The following ZNF207 variants were observed in gnomAD, a reference collection of about 807,000 sequenced individuals.
ZNF207 encodes the protein zinc finger protein 207.
Under a neutral mutation model 60.2 loss-of-function variants are expected in ZNF207, and 24 were observed. The observed-to-expected ratio is 0.40, with a 90% CI of 0.29 to 0.56. ZNF207 has a LOEUF of 0.56. Among genes scored for constraint, ZNF207 ranks in the 20% least tolerant of loss-of-function variants. The pLI is 0.49. For missense variants in ZNF207, 452 were observed against 636.6 expected, an observed-to-expected ratio of 0.71 and a Z score of 3.12; for synonymous variants, 236 against 194.7, an observed-to-expected ratio of 1.21 and a Z score of -1.77.
chr17:32,351,600 GA>G, intron 1 of ZNF207, 185 bp from the exon 2 acceptor site: 1 of 1,536,886 alleles, frequency 6.5e-7, no homozygotes. Flanking sequence ...GGCCTTCTAG[GA>G]AATTGAAAAT....
At chr17:32,367,528 A>T (rs911340395) in intron 9 of ZNF207, among the ~76,000 whole-genome samples, 1 of 151,910 alleles carries the variant, frequency 6.6e-6, no homozygotes, top group Non-Finnish European at 1.5e-5. Flanking sequence ...AAGACATCTA[A>T]CAAGTTAAAT....
At chr17:32,367,275 ATATATAT>A (rs1567825055) in intron 9 of ZNF207, among the ~76,000 whole-genome samples, 1,410 of 119,690 alleles carry the variant, frequency 0.012, 86 homozygotes, top group African/African-American at 0.04. Flanking sequence ...ATATATATAT[ATATATAT>A]ATAAAGAATA....
At chr17:32,366,842 C>A in intron 9 of ZNF207, 85 bp downstream of exon 9, 3 of 1,214,478 alleles carry the variant, frequency 2.5e-6, no homozygotes, top group South Asian at 3.4e-5. Context: ...GAATATTTTT[C>A]CAAAAATATA....
chr17:32,351,684 A>G (rs1597751450), intron 1 of ZNF207, 102 bp from the exon 2 acceptor site: 6 of 1,607,888 alleles, frequency 3.7e-6, no homozygotes, highest in Admixed American at 3.4e-5. Context: ...ATACAGTACC[A>G]TTTTGGTTTT....
Position 32,361,186 on chromosome 17 carries a change from C to G in ZNF207, c.551+219C>G, listed in dbSNP as rs562897392. 3.3e-4 allele frequency: 194 copies of G among 594,694 alleles called. No individual in the cohort carries two copies. The South Asian group carries it at 4.4e-3, about 14-fold the overall frequency. The allele number at this position is 594,694 out of a possible 1,614,324, so 36.8% of individuals were successfully genotyped here. ...GGGTTTTAGGGTATATGTAAGCAAC[C>G]ATCTACTTCAATTGCATTTACTGTG... On this transcript the variant is annotated intron_variant, in intron 5 of 11. Transcript: ENST00000394670.
chr17:32,356,741 A>T (rs1904529740), intron 2 of ZNF207, among the ~76,000 whole-genome samples: 1 of 152,254 alleles, frequency 6.6e-6, no homozygotes. Flanking sequence ...CTACTTCAGC[A>T]AAATGGCTTG....
chr17:32,358,894 G>C (rs1387645857), intron 3 of ZNF207, among the ~76,000 whole-genome samples: 1 of 151,806 alleles, frequency 6.6e-6, no homozygotes, highest in Non-Finnish European at 1.5e-5. Context: ...CTGCTTCCCA[G>C]GTTCAAGCCA....
At position 32,370,393 on chromosome 17, in the gene ZNF207, G is replaced by C. The variant is rs1044626949; in HGVS notation, c.*634G>C. 6.6e-6 allele frequency: 1 copy of C among 152,642 alleles called. No homozygotes were observed. Among genetic ancestry groups the C allele is most frequent in the African/African-American group, 2.4e-5 (1 of 41,458 alleles). 9.5% of individuals were successfully genotyped at this position (152,642 alleles called of 1,614,324 possible). On this transcript the variant is annotated 3_prime_UTR_variant, in exon 12 of 12. Coordinates refer to ENST00000394670, the MANE Select transcript of ZNF207 (RefSeq NM_001098507.2). ...CTGTGGACCACTGCCTGAAAGGTTTGTACAGATGCATGCCACAGTAGATGT... is the reference window on the plus strand; with the variant it reads ...CTGTGGACCACTGCCTGAAAGGTTTCTACAGATGCATGCCACAGTAGATGT...
At chr17:32,362,864 G>A (rs1904961079) in intron 6 of ZNF207, 50 bp from the exon 7 acceptor site, 2 of 1,536,660 alleles carry the variant, frequency 1.3e-6, no homozygotes, top group South Asian at 1.1e-5. Flanking sequence ...TTTTTTAATG[G>A]TTTATGCTGT....
intron 9 of ZNF207, among the ~76,000 whole-genome samples, chr17:32,367,120 A>G (rs1204185050): frequency 6.6e-6 from 1 of 151,278 alleles, no homozygotes; most frequent in Non-Finnish European, 1.5e-5. Flanking sequence ...CATGTTTTAG[A>G]TGTGTGGTAT....
At chr17:32,365,869 A>G (rs1222870773) in intron 8 of ZNF207, among the ~76,000 whole-genome samples, 2 of 152,010 alleles carry the variant, frequency 1.3e-5, no homozygotes, top group Admixed American at 6.6e-5. Flanking sequence ...GTAGCAAATC[A>G]TTTGTCAGGC....
Position 32,358,960 on chromosome 17 carries a change from C to T in ZNF207, c.307+319C>T, listed in dbSNP as rs566977011. Among the ~76,000 whole-genome samples the T allele has an allele frequency of 1.7e-4, 26 of 151,906 alleles. 1 individual carries two copies. Among genetic ancestry groups the T allele is most frequent in the South Asian group, 6.3e-4 (3 of 4,800 alleles). On this transcript the variant is annotated intron_variant, in intron 3 of 11. Transcript: ENST00000394670. The stretch of plus-strand genomic sequence containing the variant: ...CACTACAGGCATGCACTACCACGCC[C>T]GGCTAGTTTTTGTGTTTTTAGTAGA...
chr17:32,369,830 G>C lies in ZNF207; in HGVS notation c.*71G>C, dbSNP rs1905385888. 82 of 1,348,830 alleles carry C rather than the reference G, an allele frequency of 6.1e-5. No individual in the cohort carries two copies. The highest frequency in any genetic ancestry group is 7.8e-5 in the Non-Finnish European group (81 of 1,039,414). The allele number at this position is 1,348,830 out of a possible 1,614,324, so 83.6% of individuals were successfully genotyped here. The stretch of plus-strand genomic sequence containing the variant: ...CAACTTGTGCTGTTTATATAGCCAA[G>C]CTTCCGTCAATAAGGCTTCATTGTG... On this transcript the variant is annotated 3_prime_UTR_variant, in exon 12 of 12. Transcript: ENST00000394670.
Position 32,380,565 on chromosome 17 carries a change from A to C in ZNF207, c.*10806A>C, listed in dbSNP as rs1291139359. 1 of 152,200 alleles carries C rather than the reference A, an allele frequency of 6.6e-6. No homozygotes were observed. The highest frequency in any genetic ancestry group is 1.5e-5 in the Non-Finnish European group (1 of 68,048). 9.4% of individuals were successfully genotyped at this position (152,200 alleles called of 1,614,324 possible). On this transcript the variant is annotated 3_prime_UTR_variant, in exon 12 of 12. Coordinates refer to ENST00000394670, the MANE Select transcript of ZNF207 (RefSeq NM_001098507.2). ...CTTCTGTTTTTCAGCTCCAGTTAAA[A>C]CTGACAATAGGCAGCTATCAAAAAT...
chr17:32,374,790 A>T lies in ZNF207; in HGVS notation c.*5031A>T, dbSNP rs888135822. 1 of 152,200 alleles carries T rather than the reference A, an allele frequency of 6.6e-6. No homozygotes were observed. The highest frequency in any genetic ancestry group is 2.1e-4 in the South Asian group (1 of 4,838). 9.4% of individuals were successfully genotyped at this position (152,200 alleles called of 1,614,324 possible). ...TCAGGTATCGAAACTGAAATTTGATACCTGATCCTGTGGTAAAGTATGTTA... is the reference window on the plus strand; with the variant it reads ...TCAGGTATCGAAACTGAAATTTGATTCCTGATCCTGTGGTAAAGTATGTTA... On this transcript the variant is annotated 3_prime_UTR_variant, in exon 12 of 12. Transcript: ENST00000394670.
At chr17:32,360,505 A>C in intron 3 of ZNF207, 93 bp from the exon 4 acceptor site, 1 of 1,234,364 alleles carries the variant, frequency 8.1e-7, no homozygotes, top group South Asian at 1.6e-5. Flanking sequence ...CTCATGAAGT[A>C]ATTTTACCCA....
intron 2 of ZNF207, among the ~76,000 whole-genome samples, chr17:32,352,497 C>G (rs1184086162): frequency 2.6e-5 from 4 of 152,152 alleles, no homozygotes; most frequent in Non-Finnish European, 4.4e-5. Context: ...ATCGAAATCA[C>G]TAAATATTTC....
At chr17:32,361,547 G>A in intron 6 of ZNF207, 32 bp downstream of exon 6, 2 of 1,571,492 alleles carry the variant, frequency 1.3e-6, no homozygotes, top group Non-Finnish European at 1.7e-6. Flanking sequence ...TAATTCAGGA[G>A]GTATAATCAT....
intron 1 of ZNF207, chr17:32,351,466 G>A (rs776456415): frequency 7.0e-7 from 1 of 1,421,730 alleles, no homozygotes; most frequent in Non-Finnish European, 9.2e-7. Flanking sequence ...TGTCCTCAGT[G>A]TGCATTTGTA....
Sources: allele counts gnomAD v4.1 joint callset (sites outside exome capture counted in the v4.1 genomes callset), GRCh38; gene constraint gnomAD v4.1.1; transcripts MANE v1.5; gene names NCBI Gene and HGNC (gene_info 2026-07-23, HGNC 2026-07-21).